The following HOOK2 variants were observed in gnomAD, a reference collection of about 807,000 sequenced individuals.
The protein encoded by HOOK2 is protein Hook homolog 2.
A neutral mutation model predicts 111.9 loss-of-function variants in HOOK2; 108 were observed. The ratio of observed to expected loss-of-function variants is 0.96; its 90% CI spans 0.83 to 1.13. The LOEUF is 1.13. HOOK2 is among the 50% of genes most tolerant of loss of function. HOOK2 has a pLI of 0.00. For missense variants in HOOK2, 978 were observed against 951.3 expected (o/e 1.03, Z -0.37); for synonymous variants, 405 against 394.3 (o/e 1.03, Z -0.32).
In HOOK2 at chr19:12,790,872, T is replaced by C. The variant is rs2145804329; in HGVS notation, n.42-16647A>G. Among the ~76,000 whole-genome samples the C allele has an allele frequency of 6.6e-6, 1 of 152,114 alleles. No homozygotes were observed. The highest frequency in any genetic ancestry group is 2.1e-4 in the South Asian group (1 of 4,806). ...CATGAGCTCCTGGACCCCTACTCAT[T>C]TCTTGCAATTTAATGGGTCATGCAG... On this transcript the variant is annotated intron_variant and non_coding_transcript_variant, in intron 3 of 3. Transcript: ENST00000589765. The surrounding 1 kb of genome is among the most constrained non-coding windows in gnomAD (Gnocchi z 7.2).
At chr19:12,788,628 C>A (rs1968677030) in intron 3 of HOOK2, among the ~76,000 whole-genome samples, 1 of 152,046 alleles carries the variant, frequency 6.6e-6, no homozygotes, top group Admixed American at 6.5e-5. Flanking sequence ...AGCCTCAGCC[C>A]TGGCCAGGGC....
In HOOK2 at chr19:12,774,813, T is replaced by C; in HGVS notation, c.130A>G (p.Ile44Val). 6.2e-7 allele frequency: 1 copy of C among 1,614,016 alleles called. No homozygotes were observed. Among genetic ancestry groups the C allele is most frequent in the Non-Finnish European group, 8.5e-7 (1 of 1,179,948 alleles). The change falls in exon 2 of 23, where the codon ATA becomes GTA. Residue 44 changes from isoleucine to valine, a missense_variant and splice_region_variant. Physicochemically the swap from Ile to Val is conservative, Grantham distance 29. Around this residue, in one of 5 missense-constraint regions of HOOK2, gnomAD observed 301 missense variants for 286.1 expected, o/e 1.05. Transcript: ENST00000397668. ...ATCCTCCCCTTCAGCTCCACTCACATCTGGTTCAGCACATAGGCTACGGCA... is the reference window on the plus strand; with the variant it reads ...ATCCTCCCCTTCAGCTCCACTCACACCTGGTTCAGCACATAGGCTACGGCA... ...GLAVAYVLNQIDPSWFNEAWL... is the reference protein window; with the variant it reads ...GLAVAYVLNQVDPSWFNEAWL...
Position 12,763,749 on chromosome 19 carries a change from C to A in HOOK2, c.1857G>T (p.Arg619=), listed in dbSNP as rs1304917990. The A allele has an allele frequency of 6.2e-7, 1 of 1,614,172 alleles. No homozygotes were observed. The highest frequency in any genetic ancestry group is 1.3e-5 in the African/African-American group (1 of 75,054). ...MVMQTMEPKQ[R]PAAGAPPELH... ...GTTCTGGAGGTGCCCCCGCAGCTGG[C>A]CGCTGCTTGGGTTCCATGGTCTGCA... Residue 619 remains arginine (R), a synonymous_variant, in exon 21 of 23, where the codon CGG becomes CGT. Transcript: ENST00000397668.
intron 14 of HOOK2, 32 bp from the exon 15 acceptor site, chr19:12,766,272 G>T (rs1466954650): frequency 9.9e-6 from 15 of 1,512,360 alleles, no homozygotes; most frequent in Non-Finnish European, 1.2e-5. Flanking sequence ...GCAGGGCCAG[G>T]GTCGAGTCAC....
At chr19:12,770,771 C>T (rs944077500) in intron 10 of HOOK2, among the ~76,000 whole-genome samples, 161 bp downstream of exon 10, 2 of 150,804 alleles carry the variant, frequency 1.3e-5, no homozygotes, top group South Asian at 2.1e-4. Flanking sequence ...TGGCCTTGGG[C>T]GTTCTGTAGG....
chr19:12,772,158 T>G, intron 7 of HOOK2, 32 bp downstream of exon 7: 1 of 1,513,024 alleles, frequency 6.6e-7, no homozygotes, highest in African/African-American at 1.4e-5. Flanking sequence ...CTGATCCCTG[T>G]GCCTGGAACA....
upstream of HOOK2, among the ~76,000 whole-genome samples, chr19:12,776,003 G>C (rs866367670): frequency 7.0e-6 from 1 of 142,012 alleles, no homozygotes; most frequent in Non-Finnish European, 1.5e-5. Context: ...TCAGCCTCCC[G>C]AGTAGCTGGG....
intron 14 of HOOK2, 51 bp from the exon 15 acceptor site, chr19:12,766,291 C>A (rs539524037): frequency 1.6e-5 from 23 of 1,479,244 alleles, no homozygotes; most frequent in Non-Finnish European, 1.9e-5. Context: ...ACCTCGCAGG[C>A]TCGCTGGGGC....
chr19:12,773,323 C>A, intron 3 of HOOK2: 1 of 409,778 alleles, frequency 2.4e-6, no homozygotes, highest in South Asian at 2.6e-5. Context: ...AATCTTGGCT[C>A]ACTGCAGCCT....
chr19:12,765,264 C>G, intron 18 of HOOK2, 183 bp from the exon 19 acceptor site: 1 of 635,140 alleles, frequency 1.6e-6, no homozygotes, highest in Non-Finnish European at 2.8e-6. Context: ...GCTGTCAGAG[C>G]CACAACCCTC....
rs1968270567 is a variant in HOOK2 at position 12,770,028 on chromosome 19, G to C, written c.957C>G (p.Arg319=). 6.5e-7 allele frequency: 1 copy of C among 1,540,508 alleles called. No homozygotes were observed. The highest frequency in any genetic ancestry group is 1.4e-5 in the African/African-American group (1 of 72,792). ...QLEATLTSCR[R]RLGELRELRR... is the part of the protein sequence containing the mutation. Reference sequence around the variant, plus strand: ...GCAGCTCCCTCAGCTCGCCCAAGCGGCGCCGGCAACTGGTCAGCGTGGCCT... The same window carrying C: ...GCAGCTCCCTCAGCTCGCCCAAGCGCCGCCGGCAACTGGTCAGCGTGGCCT... Residue 319 remains arginine (R), a synonymous_variant, in exon 11 of 23, where the codon CGC becomes CGG. Coordinates refer to ENST00000397668, the MANE Select transcript of HOOK2 (RefSeq NM_013312.3).
At chr19:12,777,359 A>G (rs1169305424), upstream of HOOK2, among the ~76,000 whole-genome samples, 1 of 151,770 alleles carries the variant, frequency 6.6e-6, no homozygotes. Context: ...GCACGCGCCT[A>G]TTCCCAGCTA....
rs540786732 is a variant in HOOK2 at position 12,791,547 on chromosome 19, C to G, written n.42-17322G>C. On this transcript the variant is annotated intron_variant and non_coding_transcript_variant, in intron 3 of 3. Coordinates refer to the HOOK2 transcript ENST00000589765. The surrounding 1 kb of genome is among the most constrained non-coding windows in gnomAD (Gnocchi z 7.0). ...GCAGGGAGCTGGGAGCTGGGGGAAACGACGCCAGGAAAGCTATCGCGCCAG... is the reference window on the plus strand; with the variant it reads ...GCAGGGAGCTGGGAGCTGGGGGAAAGGACGCCAGGAAAGCTATCGCGCCAG... 4 of 487,840 alleles carry G rather than the reference C, an allele frequency of 8.2e-6. No homozygotes were observed. The East Asian group carries it at 1.0e-4, about 13-fold the overall frequency. The allele number at this position is 487,840 out of a possible 1,614,324, so 30.2% of individuals were successfully genotyped here.
chr19:12,776,168 C>T (rs1968503671), upstream of HOOK2, among the ~76,000 whole-genome samples: 1 of 151,504 alleles, frequency 6.6e-6, no homozygotes, highest in African/African-American at 2.4e-5. Context: ...TGAGCCACCG[C>T]GCCCGGCCTT....
At chr19:12,779,960 G>A (rs559645342), upstream of HOOK2, among the ~76,000 whole-genome samples, 11 of 152,096 alleles carry the variant, frequency 7.2e-5, no homozygotes, top group Non-Finnish European at 8.8e-5. Flanking sequence ...GACCAGCCTG[G>A]CCAACATAGT....
At chr19:12,792,142 C>A in intron 3 of HOOK2, 1 of 1,597,000 alleles carries the variant, frequency 6.3e-7, no homozygotes, top group East Asian at 2.3e-5. Flanking sequence ...GCAGGGGGCG[C>A]AGGGGGCGGC....
At chr19:12,785,664 AG>A (rs1402692979) in intron 3 of HOOK2, among the ~76,000 whole-genome samples, 1 of 152,210 alleles carries the variant, frequency 6.6e-6, no homozygotes, top group African/African-American at 2.4e-5. Context: ...AAGCGGGCAG[AG>A]GGCTACTCCT....
chr19:12,763,412 C>T lies in HOOK2; in HGVS notation c.2030G>A (p.Arg677Gln), dbSNP rs200083706. ...WYNMGMALQQ[R>Q]AGEERAPAHA... ...GGCAGGCGCCCGCTCCTCCCCAGCT[C>T]GCTGCTGCAAGGCCATGCCCTTCAG... The change falls in exon 23 of 23, where the codon CGA (arginine) becomes CAA (glutamine). Residue 677 changes from arginine to glutamine, a missense_variant. Around this residue, in one of 5 missense-constraint regions of HOOK2, gnomAD observed 277 missense variants for 265.8 expected, o/e 1.04. Transcript: ENST00000397668. 232 of 1,613,836 alleles carry T rather than the reference C, an allele frequency of 1.4e-4. No homozygotes were observed. Among genetic ancestry groups the T allele is most frequent in the Non-Finnish European group, 1.8e-4 (210 of 1,179,964 alleles).
At chr19:12,773,132 T>C in intron 3 of HOOK2, 88 bp from the exon 4 acceptor site, 1 of 1,270,476 alleles carries the variant, frequency 7.9e-7, no homozygotes, top group Non-Finnish European at 1.1e-6. Flanking sequence ...TCACTTCTCC[T>C]TCCCTGCTCA....
Sources: gnomAD v4.1 joint callset for allele counts (sites outside exome capture counted in the v4.1 genomes callset) on GRCh38, gnomAD v4.1.1 for gene constraint, gnomAD v4.1.1 regional missense constraint, Gnocchi (gnomAD v3.1) non-coding constraint, MANE v1.5 for transcripts, NCBI Gene and HGNC (gene_info 2026-07-23, HGNC 2026-07-21) for gene names.